The following SH3PXD2A variants were observed in gnomAD, a reference collection of about 807,000 sequenced individuals.
SH3PXD2A encodes SH3 and PX domain-containing protein 2A.
Under a neutral mutation model 115.2 loss-of-function variants are expected in SH3PXD2A, and 32 were observed. That is an observed-to-expected ratio of 0.28 (90% CI 0.21 to 0.37). The LOEUF (loss-of-function observed/expected upper bound fraction) is 0.37. Ranked by LOEUF, SH3PXD2A falls within the 10% of genes least tolerant of loss-of-function variation. The probability of loss-of-function intolerance (pLI) is 1.00; values close to 1 mark genes in which losing one functional copy is unlikely to be tolerated. For synonymous variants in SH3PXD2A, 610 were observed against 629.1 expected, an observed-to-expected ratio of 0.97 and a Z score of 0.45; for missense variants, 1,328 against 1,498.7, an observed-to-expected ratio of 0.89 and a Z score of 1.88.
intron 8 of SH3PXD2A, among the ~76,000 whole-genome samples, chr10:103,635,694 A>G (rs549370268): frequency 6.6e-6 from 1 of 152,270 alleles, no homozygotes; most frequent in African/African-American, 2.4e-5. Context: ...GTTTAGGAGA[A>G]TCCCAAACTG....
chr10:103,673,370 C>T (rs2037489442), intron 6 of SH3PXD2A: 1 of 152,086 alleles, frequency 6.6e-6, no homozygotes, highest in Admixed American at 6.6e-5. Context: ...TGGAGACCAG[C>T]CTGGGCAACA....
At chr10:103,614,952 T>C (rs1204932869) in intron 11 of SH3PXD2A, among the ~76,000 whole-genome samples, 3 of 152,038 alleles carry the variant, frequency 2.0e-5, no homozygotes, top group Non-Finnish European at 4.4e-5. Flanking sequence ...TCCCCAGGGA[T>C]TGGGAGGCAG....
rs911266332 is a variant in SH3PXD2A at position 103,792,960 on chromosome 10, C to A, written c.153+8322G>T. 4.9e-4 allele frequency among the ~76,000 whole-genome samples: 75 copies of A among 152,226 alleles called. 2 individuals are homozygous for A. The highest frequency in any genetic ancestry group is 1.6e-3 in the African/African-American group (67 of 41,530). ...GTAATGTGATTTTTATAATGAGTTTCATGTCCTCCTTGTTAGACATGTTCT... is the reference window on the plus strand; with the variant it reads ...GTAATGTGATTTTTATAATGAGTTTAATGTCCTCCTTGTTAGACATGTTCT... On this transcript the variant is annotated intron_variant, in intron 2 of 14. Transcript: ENST00000369774.
At chr10:103,676,115 CCAGGCAGG>C (rs2037530264) in intron 6 of SH3PXD2A, among the ~76,000 whole-genome samples, 1 of 152,160 alleles carries the variant, frequency 6.6e-6, no homozygotes, top group Non-Finnish European at 1.5e-5. Context: ...AGACTTAAGC[CCAGGCAGG>C]CTGGCCAGGA....
At position 103,598,521 on chromosome 10, in the gene SH3PXD2A, T is replaced by C. The variant is rs980530609; in HGVS notation, c.*3295A>G. 2.0e-5 allele frequency: 3 copies of C among 152,644 alleles called. No individual in the cohort carries two copies. Among genetic ancestry groups the C allele is most frequent in the African/African-American group, 7.2e-5 (3 of 41,444 alleles). The allele number at this position is 152,644 out of a possible 1,614,324, so 9.5% of individuals were successfully genotyped here. A position where few individuals can be genotyped will look rare whatever the true frequency, so the allele number is the denominator to read the frequency against. On this transcript the variant is annotated 3_prime_UTR_variant, in exon 15 of 15. Transcript: ENST00000369774. ...TCAATAATGACCTCAGAAGGGCTCA[T>C]TATGGTTAAAGTTGCAGTATACAGC...
intron 5 of SH3PXD2A, among the ~76,000 whole-genome samples, chr10:103,701,801 C>CA (rs56018836): frequency 0.34 from 49,753 of 148,116 alleles, 8,806 homozygotes; most frequent in African/African-American, 0.43. Flanking sequence ...ATCCATCTAT[C>CA]TTCATCCAGT....
chr10:103,832,511 C>T (rs556859527), intron 1 of SH3PXD2A, among the ~76,000 whole-genome samples: 5 of 152,242 alleles, frequency 3.3e-5, no homozygotes, highest in South Asian at 4.2e-4. Context: ...CCCAAATGTC[C>T]ATCAATGATA....
intron 2 of SH3PXD2A, among the ~76,000 whole-genome samples, chr10:103,790,310 A>G (rs909244217): frequency 2.0e-5 from 3 of 151,068 alleles, no homozygotes; most frequent in Non-Finnish European, 3.0e-5. Flanking sequence ...GCCCGCCATC[A>G]CCCCTGGCTA....
intron 1 of SH3PXD2A, among the ~76,000 whole-genome samples, chr10:103,852,703 CG>C (rs972030857): frequency 4.6e-5 from 7 of 152,242 alleles, no homozygotes; most frequent in African/African-American, 1.7e-4. Context: ...TCCCCAAACC[CG>C]CTCCTCCTGC....
At chr10:103,657,969 G>A (rs766801191) in intron 8 of SH3PXD2A, among the ~76,000 whole-genome samples, 1 of 152,210 alleles carries the variant, frequency 6.6e-6, no homozygotes, top group African/African-American at 2.4e-5. Flanking sequence ...TGAGGGGAGA[G>A]ATCTTAGCTC....
intron 1 of SH3PXD2A, among the ~76,000 whole-genome samples, chr10:103,854,382 G>A (rs1041250038): frequency 1.3e-5 from 2 of 152,134 alleles, no homozygotes; most frequent in Non-Finnish European, 2.9e-5. Context: ...AAGGTGTGAG[G>A]GATGGGAAGA....
rs541195161 is a variant in SH3PXD2A at position 103,839,675 on chromosome 10, C to T, written c.72+15520G>A. Reference sequence around the variant, plus strand: ...CCCTGAGTGGCAAGGCTGGGATTCCCGTCAGGCAGTCGGCCTCCCACTGGC... The same window carrying T: ...CCCTGAGTGGCAAGGCTGGGATTCCTGTCAGGCAGTCGGCCTCCCACTGGC... On this transcript the variant is annotated intron_variant, in intron 1 of 14. Coordinates refer to ENST00000369774, the MANE Select transcript of SH3PXD2A (RefSeq NM_001394015.1). Among the ~76,000 whole-genome samples, 196 of 152,158 alleles carry T rather than the reference C, an allele frequency of 1.3e-3. 2 individuals are homozygous for T. The highest frequency in any genetic ancestry group is 4.4e-3 in the African/African-American group (182 of 41,490).
chr10:103,790,923 C>T (rs570179057), intron 2 of SH3PXD2A, among the ~76,000 whole-genome samples: 17 of 152,350 alleles, frequency 1.1e-4, no homozygotes, highest in Non-Finnish European at 2.1e-4. Context: ...CAGCGGACAT[C>T]GTTAACATCA....
chr10:103,726,015 C>T (rs1281565767), intron 4 of SH3PXD2A, among the ~76,000 whole-genome samples: 1 of 152,070 alleles, frequency 6.6e-6, no homozygotes, highest in Admixed American at 6.6e-5. Context: ...TTCTGGGCCC[C>T]TCAATTTAGT....
chr10:103,782,993 G>C (rs2038946748), intron 2 of SH3PXD2A, among the ~76,000 whole-genome samples: 1 of 151,944 alleles, frequency 6.6e-6, no homozygotes, highest in Non-Finnish European at 1.5e-5. Context: ...TGAGTGCCCA[G>C]GAGTCAGCTC....
At chr10:103,797,209 AAATTT>A (rs2039100311) in intron 2 of SH3PXD2A, among the ~76,000 whole-genome samples, 1 of 152,166 alleles carries the variant, frequency 6.6e-6, no homozygotes. Flanking sequence ...TCTGAAATGT[AAATTT>A]AATTGGACAT....
chr10:103,603,212 A>G lies in SH3PXD2A; in HGVS notation c.2006T>C (p.Leu669Pro), dbSNP rs766501746. 6.2e-7 allele frequency: 1 copy of G among 1,614,120 alleles called. No homozygotes were observed. The highest frequency in any genetic ancestry group is 8.5e-7 in the Non-Finnish European group (1 of 1,180,020). Residue 669 changes from leucine (L) to proline (P), a missense_variant, in exon 15 of 15, where the codon CTA becomes CCA. By Grantham distance (98) the Leu-to-Pro change is moderately conservative. Coordinates refer to ENST00000369774, the MANE Select transcript of SH3PXD2A (RefSeq NM_001394015.1). ...KSGSPKSSSLLKLKAEKNAQA... is the reference protein window; with the variant it reads ...KSGSPKSSSLPKLKAEKNAQA... ...GGCATTCTTCTCTGCCTTGAGCTTTAGGAGTGATGATGACTTGGGGGAGCC... is the reference window on the plus strand; with the variant it reads ...GGCATTCTTCTCTGCCTTGAGCTTTGGGAGTGATGATGACTTGGGGGAGCC...
intron 2 of SH3PXD2A, among the ~76,000 whole-genome samples, chr10:103,790,802 G>A (rs2134251221): frequency 6.6e-6 from 1 of 152,338 alleles, no homozygotes; most frequent in East Asian, 1.9e-4. Flanking sequence ...AGTGATGTCT[G>A]CTGTAGGCAT....
chr10:103,788,073 C>A (rs2038997414), intron 2 of SH3PXD2A, among the ~76,000 whole-genome samples: 1 of 152,144 alleles, frequency 6.6e-6, no homozygotes, highest in Non-Finnish European at 1.5e-5. Flanking sequence ...GCTGGGCATG[C>A]ATTCTGTTCA....
Sources: allele counts gnomAD v4.1 joint callset (sites outside exome capture counted in the v4.1 genomes callset), GRCh38; gene constraint gnomAD v4.1.1; transcripts MANE v1.5; gene names NCBI Gene and HGNC (gene_info 2026-07-23, HGNC 2026-07-21).